Variants in HERC2 observed in about 807,000 individuals in gnomAD.
HERC2 encodes E3 ubiquitin-protein ligase HERC2.
Under a neutral mutation model 537.7 loss-of-function variants are expected in HERC2, and 102 were observed. That is an observed-to-expected ratio of 0.19 (90% CI 0.16 to 0.22). HERC2 has a LOEUF of 0.22. Ranked by LOEUF, HERC2 falls within the 10% of genes least tolerant of loss-of-function variation. The pLI is 1.00. For missense variants in HERC2, 4,236 were observed against 6,198.2 expected, an observed-to-expected ratio of 0.68 and a Z score of 10.63; for synonymous variants, 2,224 against 2,466.2, an observed-to-expected ratio of 0.90 and a Z score of 2.91.
In HERC2 at chr15:28,113,434, C is replaced by T. The variant is rs1887872293; in HGVS notation, c.14019+139G>A. 4.7e-6 allele frequency: 5 copies of T among 1,066,046 alleles called. No individual in the cohort carries two copies. The highest frequency in any genetic ancestry group is 2.6e-5 in the East Asian group (1 of 38,742). 66.0% of individuals were successfully genotyped at this position (1,066,046 alleles called of 1,614,324 possible). A position where few individuals can be genotyped will look rare whatever the true frequency, so the allele number is the denominator to read the frequency against. The stretch of plus-strand genomic sequence containing the variant: ...GGGCCCACACACAGCCTCCTGCAGG[C>T]GGGTGGAGGGACGCGCTCAGAGTGC... On this transcript the variant is annotated intron_variant, in intron 91 of 92. Coordinates refer to ENST00000261609, the MANE Select transcript of HERC2 (RefSeq NM_004667.6). The surrounding 1 kb of genome is among the most constrained non-coding windows in gnomAD (Gnocchi z 7.0).
chr15:28,175,974 C>T (rs1371965256), intron 63 of HERC2, among the ~76,000 whole-genome samples: 1 of 152,226 alleles, frequency 6.6e-6, no homozygotes, highest in Non-Finnish European at 1.5e-5. Flanking sequence ...ATACATCTTT[C>T]TCAAGCTGCC....
In HERC2 at chr15:28,163,203, G is replaced by A. The variant is rs201578529; in HGVS notation, c.10637C>T (p.Thr3546Ile). The A allele has an allele frequency of 9.3e-6, 15 of 1,613,902 alleles. No individual in the cohort carries two copies. The highest frequency in any genetic ancestry group is 1.3e-5 in the African/African-American group (1 of 75,064). ...CTTGAGCAGGTCTACCACCACACGA[G>A]TGTCATCCGCAATCAGCAGACTGGT... is the stretch of plus-strand genomic sequence containing the variant. The part of the protein sequence containing the change: ...EFTSLLIADD[T>I]RVVVDLLKLS... The change falls in exon 69 of 93, where the codon ACT becomes ATT. Residue 3546 changes from threonine to isoleucine, a missense_variant. Transcript: ENST00000261609.
At chr15:28,251,100 C>T (rs1352161929) in intron 20 of HERC2, among the ~76,000 whole-genome samples, 3 of 152,072 alleles carry the variant, frequency 2.0e-5, no homozygotes, top group Admixed American at 6.5e-5. Context: ...AGCCACCTGC[C>T]GAGGACACCA....
In HERC2 at chr15:28,196,468, C is replaced by A; in HGVS notation, c.8113G>T (p.Gly2705Trp). 6.2e-7 allele frequency: 1 copy of A among 1,611,586 alleles called. No individual in the cohort carries two copies. The highest frequency in any genetic ancestry group is 8.5e-7 in the Non-Finnish European group (1 of 1,177,976). Residue 2705 changes from glycine to tryptophan, a missense_variant, in exon 51 of 93, where the codon GGG (glycine) becomes TGG (tryptophan). Gly to Trp is a radical substitution (Grantham distance 184). This residue lies in a region of HERC2 where 606 missense variants were observed against 884.5 expected (regional missense o/e 0.69). Coordinates refer to ENST00000261609, the MANE Select transcript of HERC2 (RefSeq NM_004667.6). The part of the protein sequence containing the change: ...EMELVPSIHP[G>W]VTCDGCQMFP... ...ACCATAAAAATAACTCACGTAACCC[C>A]AGGATGAATACTGGGTACCAACTCC... is the stretch of plus-strand genomic sequence containing the variant.
intron 7 of HERC2, among the ~76,000 whole-genome samples, chr15:28,273,654 G>A (rs574473075): frequency 2.0e-4 from 30 of 152,270 alleles, no homozygotes; most frequent in East Asian, 1.2e-3. Flanking sequence ...AGCCGGGGAC[G>A]CAAACGCCAA....
chr15:28,298,619 C>G (rs2076536035), intron 3 of HERC2: 1 of 151,538 alleles, frequency 6.6e-6, no homozygotes, highest in Non-Finnish European at 1.5e-5. Flanking sequence ...CACGGTGAAA[C>G]CCTGTCTCTA....
Position 28,263,168 on chromosome 15 carries a change from C to T in HERC2, c.1872G>A (p.Gly624=). The T allele has an allele frequency of 6.3e-7, 1 of 1,597,552 alleles. No individual in the cohort carries two copies. The highest frequency in any genetic ancestry group is 8.6e-7 in the Non-Finnish European group (1 of 1,168,480). ...DAQTLAVTEN[G]QVWSWGDGDY... is the part of the protein sequence containing the mutation. ...CACCATCTCCCCAAGACCACACTTG[C>T]CCTAAAAAATACAAATGCATTTAAA... Residue 624 remains glycine (G), a splice_region_variant and synonymous_variant, in exon 15 of 93, where the codon GGG becomes GGA. Coordinates refer to ENST00000261609, the MANE Select transcript of HERC2 (RefSeq NM_004667.6).
intron 70 of HERC2, among the ~76,000 whole-genome samples, chr15:28,148,282 CAG>C (rs1260322325): frequency 6.6e-6 from 1 of 151,844 alleles, no homozygotes; most frequent in Non-Finnish European, 1.5e-5. Context: ...GAGACTAAAA[CAG>C]AGTGTAAAAT....
At chr15:28,172,278 C>T (rs1894784181) in intron 65 of HERC2, among the ~76,000 whole-genome samples, 1 of 152,144 alleles carries the variant, frequency 6.6e-6, no homozygotes, top group South Asian at 2.1e-4. Flanking sequence ...CTGACAAGCT[C>T]ATTTTAAGTT....
At chr15:28,128,966 A>G (rs1305442319) in intron 83 of HERC2, among the ~76,000 whole-genome samples, 2 of 151,776 alleles carry the variant, frequency 1.3e-5, no homozygotes, top group African/African-American at 2.4e-5. Flanking sequence ...TCTTTCTACT[A>G]CCTCTTCAGT....
intron 52 of HERC2, among the ~76,000 whole-genome samples, chr15:28,194,430 C>T (rs897073079): frequency 4.7e-5 from 7 of 150,326 alleles, no homozygotes; most frequent in African/African-American, 1.5e-4. Flanking sequence ...ATTAGCCGGG[C>T]GTGGTGGCGG....
Position 28,114,692 on chromosome 15 carries a change from C to T in HERC2, c.13833G>A (p.Gln4611=), listed in dbSNP as rs775625867. 19 of 1,614,120 alleles carry T rather than the reference C, an allele frequency of 1.2e-5. No individual in the cohort carries two copies. Among genetic ancestry groups the T allele is most frequent in the Non-Finnish European group, 1.6e-5 (19 of 1,180,024 alleles). ...LPFTVPSASG[Q]DIQLSSKHTH... ...TGTGCTTGGAGCTCAACTGAATGTCCTGGCCACTGGCACTTGGCACTGTGA... is the reference window on the plus strand; with the variant it reads ...TGTGCTTGGAGCTCAACTGAATGTCTTGGCCACTGGCACTTGGCACTGTGA... Residue 4611 remains glutamine, a synonymous_variant, in exon 90 of 93, where the codon CAG becomes CAA. Coordinates refer to ENST00000261609, the MANE Select transcript of HERC2 (RefSeq NM_004667.6).
At chr15:28,294,339 G>C (rs965926146) in intron 3 of HERC2, among the ~76,000 whole-genome samples, 19 of 150,700 alleles carry the variant, frequency 1.3e-4, no homozygotes, top group Admixed American at 5.3e-4. Flanking sequence ...TCTGCACAAA[G>C]CCCACACAAG....
At chr15:28,163,005 GGTGATCCATAGCA>G (rs1893770588) in intron 69 of HERC2, 76 bp downstream of exon 69, 9 of 1,107,868 alleles carry the variant, frequency 8.1e-6, no homozygotes, top group Non-Finnish European at 1.2e-5. Flanking sequence ...CAAGATCACC[GGTGATCCATAGCA>G]GCTCTCCTTT....
chr15:28,201,113 C>T (rs1019364717), intron 48 of HERC2, among the ~76,000 whole-genome samples: 31 of 150,884 alleles, frequency 2.1e-4, no homozygotes, highest in Non-Finnish European at 4.4e-4. Context: ...CCTCTGGCTA[C>T]ACCGGGGCAG....
At chr15:28,118,991 C>T (rs987971319) in intron 86 of HERC2, among the ~76,000 whole-genome samples, 8 of 152,124 alleles carry the variant, frequency 5.3e-5, no homozygotes, top group Non-Finnish European at 7.3e-5. Context: ...CCTGACACCA[C>T]GCACGGTGGC....
chr15:28,174,746 T>C (rs1480873327), intron 64 of HERC2, 126 bp from the exon 65 acceptor site: 1 of 772,166 alleles, frequency 1.3e-6, no homozygotes, highest in East Asian at 2.7e-5. Flanking sequence ...TTCTTAAAGG[T>C]AAAAACAAAC....
In HERC2 at chr15:28,229,514, T is replaced by A; in HGVS notation, c.5066A>T (p.Gln1689Leu). The change falls in exon 33 of 93, where the codon CAG becomes CTG. Residue 1689 changes from glutamine (Q) to leucine (L), a missense_variant. Coordinates refer to ENST00000261609, the MANE Select transcript of HERC2 (RefSeq NM_004667.6). ...ASKNFLLPSV[Q>L]YAMFCGWQRL... ...TTGCCATCCACAAAACATCGCATAC[T>A]GCACAGATGGAAGTAAGAAATTCTT... The A allele has an allele frequency of 6.2e-7, 1 of 1,613,962 alleles. No homozygotes were observed. The highest frequency in any genetic ancestry group is 1.3e-5 in the African/African-American group (1 of 75,064).
intron 9 of HERC2, 94 bp downstream of exon 9, chr15:28,272,121 G>A: frequency 8.4e-7 from 1 of 1,183,634 alleles, no homozygotes; most frequent in Non-Finnish European, 1.2e-6. Context: ...ACACGCCAGA[G>A]AAAAACACTG....
Sources: allele counts gnomAD v4.1 joint callset (sites outside exome capture counted in the v4.1 genomes callset), GRCh38; gene constraint gnomAD v4.1.1; regional missense constraint gnomAD v4.1.1; non-coding constraint Gnocchi (gnomAD v3.1); transcripts MANE v1.5; gene names NCBI Gene and HGNC (gene_info 2026-07-23, HGNC 2026-07-21).